The following CPED1 variants were observed in gnomAD, a reference collection of about 807,000 sequenced individuals.
CPED1 encodes the protein cadherin-like and PC-esterase domain-containing protein 1.
A neutral mutation model predicts 128.2 loss-of-function variants in CPED1; 114 were observed. That is an observed-to-expected ratio of 0.89 (90% CI 0.76 to 1.04). The LOEUF (loss-of-function observed/expected upper bound fraction) is 1.04, where lower values mean the gene tolerates loss of function less well. CPED1 is among the 50% of genes least tolerant of loss of function. The pLI is 0.00. For synonymous variants in CPED1, 462 were observed against 426.7 expected (o/e 1.08, Z -1.02); for missense variants, 1,211 against 1,207.1 (o/e 1.00, Z -0.05).
At chr7:121,193,995 GCT>G (rs373934011) in intron 16 of CPED1, among the ~76,000 whole-genome samples, 2,195 of 87,126 alleles carry the variant, frequency 0.025, 48 homozygotes, top group Non-Finnish European at 0.029. Flanking sequence ...GGATGAGCAA[GCT>G]CTCTCTCTCT....
rs777068089 is a variant in CPED1, at chr7:121,097,682, C to G, written c.617-17C>G. 5.0e-6 allele frequency: 8 copies of G among 1,612,634 alleles called. No homozygotes were observed. In the African/African-American group the frequency reaches 8.0e-5, roughly 16 times the overall value. The stretch of plus-strand genomic sequence containing the variant: ...AACAATAAAATGACTGTCTTCTGCT[C>G]TCTTGAATCTTTTCAGAACTGCAAC... On this transcript the variant is annotated splice_polypyrimidine_tract_variant and intron_variant, in intron 5 of 22. Transcript: ENST00000310396.
intron 14 of CPED1, among the ~76,000 whole-genome samples, chr7:121,139,936 G>A (rs872008): frequency 0.34 from 51,043 of 151,588 alleles, 8,953 homozygotes; most frequent in Middle Eastern, 0.49. Flanking sequence ...GTTTATCTTT[G>A]TTAGCATTTT....
chr7:121,133,982 T>C, intron 13 of CPED1, 89 bp downstream of exon 13: 1 of 706,470 alleles, frequency 1.4e-6, no homozygotes. Context: ...TCATTAGCAA[T>C]CAAAAATGAA....
At chr7:121,113,151 A>G (rs990382424) in intron 7 of CPED1, among the ~76,000 whole-genome samples, 3 of 152,210 alleles carry the variant, frequency 2.0e-5, no homozygotes, top group African/African-American at 7.2e-5. Context: ...CATGGAGCCA[A>G]AACAACTCAA....
chr7:120,993,021 A>G (rs1414167465), intron 2 of CPED1, among the ~76,000 whole-genome samples: 2 of 152,140 alleles, frequency 1.3e-5, no homozygotes, highest in African/African-American at 2.4e-5. Flanking sequence ...TCATTTTTCC[A>G]TTTGAATAAT....
At chr7:121,218,206 G>C (rs1797800925) in intron 16 of CPED1, among the ~76,000 whole-genome samples, 2 of 150,528 alleles carry the variant, frequency 1.3e-5, no homozygotes, top group Non-Finnish European at 3.0e-5. Context: ...TGTTGGCCAG[G>C]CTGGTCTGAA....
At chr7:121,242,120 C>G (rs1209091449) in intron 17 of CPED1, among the ~76,000 whole-genome samples, 1 of 152,140 alleles carries the variant, frequency 6.6e-6, no homozygotes, top group East Asian at 1.9e-4. Context: ...CTCCAAAGCC[C>G]CAACTCTTTA....
chr7:121,008,306 T>A (rs1042302125), intron 2 of CPED1, among the ~76,000 whole-genome samples: 1 of 152,192 alleles, frequency 6.6e-6, no homozygotes, highest in African/African-American at 2.4e-5. Flanking sequence ...TTAGGTTTCC[T>A]ACTAGCTACT....
At chr7:121,170,581 C>G (rs1031079687) in intron 16 of CPED1, among the ~76,000 whole-genome samples, 22 of 152,060 alleles carry the variant, frequency 1.4e-4, no homozygotes, top group Admixed American at 2.0e-4. Context: ...TTAGTACATA[C>G]CAGCTACAGT....
chr7:121,292,025 C>T (rs1461190064), intron 22 of CPED1, among the ~76,000 whole-genome samples: 1 of 151,894 alleles, frequency 6.6e-6, no homozygotes, highest in Non-Finnish European at 1.5e-5. Flanking sequence ...CTGTGGTGTT[C>T]TCTGTCTTTC....
intron 3 of CPED1, among the ~76,000 whole-genome samples, chr7:121,034,249 T>TTC (rs1483132632): frequency 1.1e-4 from 15 of 139,056 alleles, no homozygotes; most frequent in Non-Finnish European, 1.4e-4. Context: ...TTTTTTTTCT[T>TTC]TTTTTTTTTT....
chr7:121,247,894 C>T (rs1238003839), intron 18 of CPED1, among the ~76,000 whole-genome samples: 1 of 152,208 alleles, frequency 6.6e-6, no homozygotes, highest in Non-Finnish European at 1.5e-5. Flanking sequence ...ATAGGGCCAA[C>T]TTCCCCACAG....
In CPED1 at chr7:121,019,263, C is replaced by T. The variant is rs574008334; in HGVS notation, c.433+3415C>T. Among the ~76,000 whole-genome samples the T allele has an allele frequency of 9.7e-4, 148 of 152,076 alleles. 1 individual carries two copies. The highest frequency in any genetic ancestry group is 3.3e-3 in the African/African-American group (138 of 41,534). ...TTTAGGGCTATGAACATATGACTTA[C>T]GCAAGTTAAGTTCTCTGAGCCCTAG... On this transcript the variant is annotated intron_variant, in intron 3 of 22. Transcript: ENST00000310396.
At chr7:121,194,031 T>C (rs2116538820) in intron 16 of CPED1, among the ~76,000 whole-genome samples, 3 of 100,776 alleles carry the variant, frequency 3.0e-5, no homozygotes, top group East Asian at 5.1e-4. Context: ...TCTATATATA[T>C]ATATATATAT....
At chr7:121,041,747 A>G (rs1466154628) in intron 3 of CPED1, among the ~76,000 whole-genome samples, 1 of 152,170 alleles carries the variant, frequency 6.6e-6, no homozygotes, top group Non-Finnish European at 1.5e-5. Flanking sequence ...ACCTCTAAAA[A>G]TTGCTCTTAC....
At chr7:121,250,063 A>C (rs1798634808) in intron 18 of CPED1, among the ~76,000 whole-genome samples, 1 of 152,220 alleles carries the variant, frequency 6.6e-6, no homozygotes, top group South Asian at 2.1e-4. Flanking sequence ...TTGACCACAT[A>C]GTTGGAAGTA....
At chr7:121,194,018 C>CTATATA (rs34408932) in intron 16 of CPED1, among the ~76,000 whole-genome samples, 1 of 71,526 alleles carries the variant, frequency 1.4e-5, no homozygotes, top group South Asian at 5.0e-4. Flanking sequence ...CTCTCTCTCT[C>CTATATA]TCTCTATATA....
At chr7:121,259,991 C>G (rs1791972796) in intron 18 of CPED1, among the ~76,000 whole-genome samples, 1 of 151,850 alleles carries the variant, frequency 6.6e-6, no homozygotes, top group South Asian at 2.1e-4. Flanking sequence ...TATGTGAATT[C>G]CATTATGGTT....
chr7:121,125,841 T>TCTAA lies in CPED1; in HGVS notation c.1086_1089dup (p.Phe364AsnfsTer3). On this transcript the variant is annotated frameshift_variant, in exon 9 of 23. Coordinates refer to ENST00000310396, the MANE Select transcript of CPED1 (RefSeq NM_024913.5). LOFTEE classifies it high-confidence loss of function. The stretch of plus-strand genomic sequence containing the variant: ...TTAGATGCAGATTCTGCTTTCAACT[T>TCTAA]CTAACTTTTGATATTGGTTATGGCA... The TCTAA allele has an allele frequency of 6.2e-7, 1 of 1,613,512 alleles. No individual in the cohort carries two copies.
Sources: gnomAD v4.1 joint callset for allele counts (sites outside exome capture counted in the v4.1 genomes callset) on GRCh38, gnomAD v4.1.1 for gene constraint, MANE v1.5 for transcripts, NCBI Gene and HGNC (gene_info 2026-07-23, HGNC 2026-07-21) for gene names.